The following SENP7 variants were observed in gnomAD, a reference collection of about 807,000 sequenced individuals.
The protein encoded by SENP7 is SUMO specific peptidase 7, also known as sentrin-specific protease 7.
In SENP7, 64 loss-of-function variants were observed where a neutral mutation model predicts 141.2. The ratio of observed to expected loss-of-function variants is 0.45; its 90% CI spans 0.37 to 0.56. SENP7 has a LOEUF of 0.56. Ranked by LOEUF, SENP7 falls within the 20% of genes least tolerant of loss-of-function variation. The probability of loss-of-function intolerance (pLI) is 0.00; values close to 1 mark genes in which losing one functional copy is unlikely to be tolerated. For missense variants in SENP7, 1,025 were observed against 1,212.2 expected (o/e 0.85, Z 2.29); for synonymous variants, 382 against 426.4 (o/e 0.90, Z 1.28).
At chr3:101,498,552 GA>G (rs2065247170) in intron 2 of SENP7, among the ~76,000 whole-genome samples, 2 of 152,114 alleles carry the variant, frequency 1.3e-5, no homozygotes, top group Admixed American at 6.6e-5. Flanking sequence ...GGTCATGAAA[GA>G]AAAAAGACTG....
chr3:101,366,489 T>A lies in SENP7; in HGVS notation c.1259A>T (p.Glu420Val), dbSNP rs767167244. Residue 420 changes from glutamate (E) to valine (V), a missense_variant, in exon 9 of 24, where the codon GAA becomes GTA. By Grantham distance (121) the Glu-to-Val change is moderately radical. Coordinates refer to ENST00000394095, the MANE Select transcript of SENP7 (RefSeq NM_020654.5). Reference protein sequence around the residue: ...EKDENELNTIEKPILRGHNEG... With the variant: ...EKDENELNTIVKPILRGHNEG... ...ATTATGTCCTCTTAGAATAGGCTTT[T>A]CTATGGTATTCAACTCATTCTCATC... 1.1e-5 allele frequency: 18 copies of A among 1,613,604 alleles called. No individual in the cohort carries two copies. The highest frequency in any genetic ancestry group is 1.4e-5 in the Non-Finnish European group (17 of 1,179,744).
chr3:101,341,839 C>CAAA (rs2059335115), intron 14 of SENP7, 60 bp from the exon 15 acceptor site: 1 of 1,487,608 alleles, frequency 6.7e-7, no homozygotes, highest in South Asian at 1.4e-5. Context: ...AGAACAAAGT[C>CAAA]AAAACGTAGA....
At chr3:101,383,262 T>C (rs2060557223) in intron 6 of SENP7, among the ~76,000 whole-genome samples, 1 of 152,200 alleles carries the variant, frequency 6.6e-6, no homozygotes, top group African/African-American at 2.4e-5. Flanking sequence ...CACCATGTGA[T>C]GTGCCTGCTC....
intron 5 of SENP7, among the ~76,000 whole-genome samples, chr3:101,402,504 C>A (rs1377653676): frequency 6.7e-6 from 1 of 150,314 alleles, no homozygotes; most frequent in Non-Finnish European, 1.5e-5. Flanking sequence ...CACCTGTAGT[C>A]CCAGCTACTT....
chr3:101,404,282 T>C (rs1049387619), intron 5 of SENP7, among the ~76,000 whole-genome samples: 2 of 152,104 alleles, frequency 1.3e-5, no homozygotes, highest in African/African-American at 4.8e-5. Flanking sequence ...TACAATTCTG[T>C]GATCTTTGAC....
At position 101,463,372 on chromosome 3, in the gene SENP7, T is replaced by TATATATATATATATATATATAC. The variant is rs2063625404; in HGVS notation, c.187-4321_187-4320insGTATATATATATATATATATAT. Among the ~76,000 whole-genome samples, 43 of 84,500 alleles carry TATATATATATATATATATATAC rather than the reference T, an allele frequency of 5.1e-4. 1 individual carries two copies. The highest frequency in any genetic ancestry group is 2.1e-3 in the African/African-American group (40 of 18,682). The allele number at this position is 84,500 out of a possible 152,430, so 55.4% of individuals were successfully genotyped here. On this transcript the variant is annotated intron_variant, in intron 3 of 23. Coordinates refer to ENST00000394095, the MANE Select transcript of SENP7 (RefSeq NM_020654.5). ...TCATAAATAAATAAATAAATATATA[T>TATATATATATATATATATATAC]ATATATATATATATATATATATATA...
At chr3:101,467,129 G>A (rs2063788033) in intron 3 of SENP7, among the ~76,000 whole-genome samples, 1 of 152,266 alleles carries the variant, frequency 6.6e-6, no homozygotes, top group South Asian at 2.1e-4. Context: ...CCTGGCTGGG[G>A]GAGGGGCATC....
At chr3:101,328,133 T>C (rs2058952749) in intron 22 of SENP7, among the ~76,000 whole-genome samples, 1 of 152,134 alleles carries the variant, frequency 6.6e-6, no homozygotes, top group Non-Finnish European at 1.5e-5. Flanking sequence ...AATTACAAAA[T>C]TACACATACA....
chr3:101,454,344 T>C (rs1248458752), intron 4 of SENP7, among the ~76,000 whole-genome samples: 2 of 151,914 alleles, frequency 1.3e-5, no homozygotes, highest in African/African-American at 2.4e-5. Flanking sequence ...AAACCTCAAA[T>C]ATACAAAAAA....
intron 4 of SENP7, among the ~76,000 whole-genome samples, chr3:101,422,558 A>G (rs2061821522): frequency 6.6e-6 from 1 of 152,222 alleles, no homozygotes; most frequent in Admixed American, 6.5e-5. Flanking sequence ...AACAATCTAT[A>G]TACTTAGGTA....
chr3:101,505,292 CCA>C (rs1206405789), intron 1 of SENP7, among the ~76,000 whole-genome samples: 1 of 152,120 alleles, frequency 6.6e-6, no homozygotes, highest in Non-Finnish European at 1.5e-5. Context: ...GATTTCACCA[CCA>C]CACAATATAC....
At chr3:101,361,975 A>C (rs1480752516) in intron 10 of SENP7, 114 bp from the exon 11 acceptor site, 2 of 1,165,748 alleles carry the variant, frequency 1.7e-6, no homozygotes. Context: ...TTTTTGAAGA[A>C]CTTTATACTG....
chr3:101,363,926 A>C (rs2059966053), intron 10 of SENP7, among the ~76,000 whole-genome samples: 1 of 152,206 alleles, frequency 6.6e-6, no homozygotes, highest in African/African-American at 2.4e-5. Context: ...TAATAATAAG[A>C]AAGAGTACCA....
At chr3:101,351,709 A>C in intron 11 of SENP7, 58 bp from the exon 12 acceptor site, 1 of 1,244,706 alleles carries the variant, frequency 8.0e-7, no homozygotes. Context: ...GTTACTATTC[A>C]AATTTTTTTT....
At chr3:101,382,980 C>T (rs368841062) in intron 6 of SENP7, among the ~76,000 whole-genome samples, 29 of 152,144 alleles carry the variant, frequency 1.9e-4, no homozygotes, top group African/African-American at 6.5e-4. Flanking sequence ...GAGATGAGCA[C>T]CCTAATAAGG....
intron 2 of SENP7, among the ~76,000 whole-genome samples, chr3:101,497,759 A>T (rs1576531223): frequency 6.6e-6 from 1 of 152,278 alleles, no homozygotes; most frequent in East Asian, 1.9e-4. Flanking sequence ...TAAATAAATA[A>T]GTAAGTAAGT....
At chr3:101,400,927 T>G (rs575893915) in intron 5 of SENP7, among the ~76,000 whole-genome samples, 7 of 151,972 alleles carry the variant, frequency 4.6e-5, no homozygotes, top group Non-Finnish European at 7.4e-5. Flanking sequence ...AGACTCCATC[T>G]CTACAAAACA....
intron 1 of SENP7, among the ~76,000 whole-genome samples, chr3:101,509,707 A>G (rs972537428): frequency 4.6e-5 from 7 of 152,230 alleles, no homozygotes; most frequent in African/African-American, 1.4e-4. Flanking sequence ...ATGCAAAGCA[A>G]ACATCACCTG....
chr3:101,343,747 G>C lies in SENP7; in HGVS notation c.2045C>G (p.Thr682Ser), dbSNP rs2059386353. ...SSFIHYYCVS[T>S]CSFPAGVAVA... is the part of the protein sequence containing the mutation. ...AGCAACACCAGCAGGGAAAGAACAA[G>C]TTGAAACACAGTAATAATGAATAAA... is the stretch of plus-strand genomic sequence containing the variant. Residue 682 changes from threonine to serine, a missense_variant, in exon 14 of 24, where the codon ACT becomes AGT. Physicochemically the swap from Thr to Ser is moderately conservative, Grantham distance 58. Coordinates refer to ENST00000394095, the MANE Select transcript of SENP7 (RefSeq NM_020654.5). 1 of 1,613,588 alleles carries C rather than the reference G, an allele frequency of 6.2e-7. No individual in the cohort carries two copies. Among genetic ancestry groups the C allele is most frequent in the South Asian group, 1.1e-5 (1 of 91,064 alleles).
Sources: gnomAD v4.1 joint callset for allele counts (sites outside exome capture counted in the v4.1 genomes callset) on GRCh38, gnomAD v4.1.1 for gene constraint, MANE v1.5 for transcripts, NCBI Gene and HGNC (gene_info 2026-07-23, HGNC 2026-07-21) for gene names.